The following TTC28 variants were observed in gnomAD, a reference collection of about 807,000 sequenced individuals.
TTC28 encodes tetratricopeptide repeat domain 28.
Under a neutral mutation model 198.0 loss-of-function variants are expected in TTC28, and 61 were observed. The ratio of observed to expected loss-of-function variants is 0.31; its 90% CI spans 0.25 to 0.38. The LOEUF is 0.38. Among genes scored for constraint, TTC28 ranks in the 10% least tolerant of loss-of-function variants. TTC28 has a pLI of 1.00. For synonymous variants in TTC28, 1,171 were observed against 1,297.8 expected, an observed-to-expected ratio of 0.90 and a Z score of 2.10; for missense variants, 2,678 against 3,164.0, an observed-to-expected ratio of 0.85 and a Z score of 3.69.
At chr22:28,587,859 T>C (rs2050344655) in intron 2 of TTC28, among the ~76,000 whole-genome samples, 4 of 151,956 alleles carry the variant, frequency 2.6e-5, no homozygotes, top group Admixed American at 2.6e-4. Flanking sequence ...GCTGTTATTA[T>C]GGCCAGGTGC....
At chr22:28,164,519 T>C (rs1193298532) in intron 5 of TTC28, among the ~76,000 whole-genome samples, 1 of 152,178 alleles carries the variant, frequency 6.6e-6, no homozygotes, top group Admixed American at 6.5e-5. Context: ...CTGCTGCTGA[T>C]ACCCAGGCAA....
At chr22:27,993,639 C>A in intron 17 of TTC28, 121 bp from the exon 18 acceptor site, 1 of 986,904 alleles carries the variant, frequency 1.0e-6, no homozygotes, top group Non-Finnish European at 1.5e-6. Context: ...CCCACATAGC[C>A]CACGTGGCCA....
intron 6 of TTC28, among the ~76,000 whole-genome samples, chr22:28,134,654 A>G (rs1448749186): frequency 6.6e-6 from 1 of 152,230 alleles, no homozygotes; most frequent in Non-Finnish European, 1.5e-5. Flanking sequence ...GAGAAAAAAG[A>G]GTAAAAAGAA....
At chr22:28,604,447 A>G (rs190375869) in intron 2 of TTC28, among the ~76,000 whole-genome samples, 1 of 151,888 alleles carries the variant, frequency 6.6e-6, no homozygotes, top group Non-Finnish European at 1.5e-5. Flanking sequence ...TCGTTTCATT[A>G]AGATAGAAAA....
At chr22:28,442,405 G>A (rs1043520625) in intron 2 of TTC28, among the ~76,000 whole-genome samples, 2 of 152,238 alleles carry the variant, frequency 1.3e-5, no homozygotes, top group Non-Finnish European at 1.5e-5. Flanking sequence ...GTGTGCTGGG[G>A]CTGCTCGCCC....
intron 12 of TTC28, among the ~76,000 whole-genome samples, chr22:28,064,440 T>C (rs1003132288): frequency 2.0e-5 from 3 of 152,118 alleles, no homozygotes; most frequent in Admixed American, 6.6e-5. Context: ...AGTGGAAAAC[T>C]CAAATTTTGT....
chr22:28,280,364 T>C (rs536877835), intron 5 of TTC28, among the ~76,000 whole-genome samples: 37 of 152,206 alleles, frequency 2.4e-4, no homozygotes, highest in Non-Finnish European at 4.1e-4. Context: ...TTTGCTCTTG[T>C]TGCCCAGGCT....
intron 5 of TTC28, among the ~76,000 whole-genome samples, chr22:28,263,153 G>GT (rs1267076425): frequency 6.6e-6 from 1 of 152,066 alleles, no homozygotes; most frequent in East Asian, 1.9e-4. Flanking sequence ...ACAAATGACA[G>GT]TTTTTGCCAT....
intron 2 of TTC28, among the ~76,000 whole-genome samples, chr22:28,368,907 G>A (rs1042056708): frequency 2.0e-5 from 3 of 151,896 alleles, no homozygotes; most frequent in African/African-American, 7.3e-5. Flanking sequence ...CCAAAACATG[G>A]AAAAATATTC....
At position 28,561,072 on chromosome 22, in the gene TTC28, C is replaced by CT. The variant is rs11296581; in HGVS notation, c.381+68479dup. ...ATGCCTGGCCTCTCTCCTTCATTTTCTTTTTTTTTTTTTTTTTTTGAGACG... is the reference window on the plus strand; with the variant it reads ...ATGCCTGGCCTCTCTCCTTCATTTTCTTTTTTTTTTTTTTTTTTTTGAGACG... On this transcript the variant is annotated intron_variant, in intron 2 of 22. Transcript: ENST00000397906. Among the ~76,000 whole-genome samples the CT allele has an allele frequency of 4.4e-4, 26 of 58,722 alleles. 1 individual carries two copies. In the South Asian group the frequency reaches 4.6e-3, roughly 10 times the overall value. 38.5% of individuals were successfully genotyped at this position (58,722 alleles called of 152,430 possible). A position where few individuals can be genotyped will look rare whatever the true frequency, so the allele number is the denominator to read the frequency against.
At chr22:28,234,369 T>TC (rs1015728421) in intron 5 of TTC28, among the ~76,000 whole-genome samples, 2 of 151,280 alleles carry the variant, frequency 1.3e-5, no homozygotes, top group African/African-American at 4.9e-5. Flanking sequence ...AGCCTCATCT[T>TC]CTAATTTTTT....
chr22:28,233,947 C>G (rs1304424048), intron 5 of TTC28, among the ~76,000 whole-genome samples: 1 of 151,170 alleles, frequency 6.6e-6, no homozygotes, highest in Non-Finnish European at 1.5e-5. Context: ...CTTGCTGTCG[C>G]CCAGGCTAGA....
intron 2 of TTC28, among the ~76,000 whole-genome samples, chr22:28,467,901 A>G (rs903427071): frequency 3.3e-5 from 5 of 151,994 alleles, no homozygotes; most frequent in African/African-American, 9.7e-5. Flanking sequence ...AGCTGGGACC[A>G]CAGGCGCATG....
chr22:28,451,143 A>T (rs1453343554), intron 2 of TTC28, among the ~76,000 whole-genome samples: 1 of 152,244 alleles, frequency 6.6e-6, no homozygotes, highest in Non-Finnish European at 1.5e-5. Flanking sequence ...GAAACTCCAC[A>T]AGGCAAAGTG....
chr22:28,246,114 G>A (rs370865944), intron 5 of TTC28, among the ~76,000 whole-genome samples: 20 of 152,180 alleles, frequency 1.3e-4, no homozygotes, highest in Non-Finnish European at 2.2e-4. Flanking sequence ...GCCCAACATC[G>A]TCCCTTACAC....
intron 2 of TTC28, among the ~76,000 whole-genome samples, chr22:28,394,962 A>C (rs2146081932): frequency 6.6e-6 from 1 of 152,234 alleles, no homozygotes; most frequent in South Asian, 2.1e-4. Flanking sequence ...CTTCTACTTG[A>C]ACCAGCTTAA....
intron 6 of TTC28, among the ~76,000 whole-genome samples, chr22:28,129,216 G>C (rs1275941247): frequency 6.6e-6 from 1 of 152,120 alleles, no homozygotes; most frequent in African/African-American, 2.4e-5. Flanking sequence ...CCATTAACAG[G>C]GGCAAACTAA....
intron 1 of TTC28, among the ~76,000 whole-genome samples, chr22:28,655,195 T>A (rs2051624659): frequency 6.6e-6 from 1 of 152,158 alleles, no homozygotes; most frequent in Non-Finnish European, 1.5e-5. Flanking sequence ...ACACTGAACA[T>A]AATAAAAGAA....
intron 5 of TTC28, among the ~76,000 whole-genome samples, chr22:28,278,691 G>T (rs971442365): frequency 6.6e-6 from 1 of 152,156 alleles, no homozygotes; most frequent in East Asian, 1.9e-4. Flanking sequence ...GTAAGAAAAG[G>T]CTCTGGCCAT....
Sources: gnomAD v4.1 joint callset for allele counts (sites outside exome capture counted in the v4.1 genomes callset) on GRCh38, gnomAD v4.1.1 for gene constraint, MANE v1.5 for transcripts, NCBI Gene and HGNC (gene_info 2026-07-23, HGNC 2026-07-21) for gene names.